B4GALNT2: variants seen among roughly 807,000 people sequenced by gnomAD.
The protein encoded by B4GALNT2 is beta-1,4-N-acetyl-galactosaminyltransferase 2 (SID blood group).
Under a neutral mutation model 51.1 loss-of-function variants are expected in B4GALNT2, and 42 were observed. That is an observed-to-expected ratio of 0.82 (90% CI 0.64 to 1.06). The LOEUF (loss-of-function observed/expected upper bound fraction) is 1.06. Among genes scored for constraint, B4GALNT2 ranks in the 50% least tolerant of loss-of-function variants. The pLI is 0.00. For missense variants in B4GALNT2, 602 were observed against 633.6 expected, an observed-to-expected ratio of 0.95 and a Z score of 0.54; for synonymous variants, 253 against 251.7, an observed-to-expected ratio of 1.01 and a Z score of -0.05.
At chr17:49,147,609 C>G (rs1161110911) in intron 3 of B4GALNT2, among the ~76,000 whole-genome samples, 1 of 151,974 alleles carries the variant, frequency 6.6e-6, no homozygotes, top group Non-Finnish European at 1.5e-5. Context: ...CTCCTGAGCT[C>G]AAGCAATCCA....
chr17:49,152,943 A>G (rs756360172), intron 4 of B4GALNT2, 37 bp downstream of exon 4: 23 of 1,543,740 alleles, frequency 1.5e-5, no homozygotes, highest in Non-Finnish European at 2.0e-5. Flanking sequence ...CCCAGACAAC[A>G]TTCTCACTCT....
rs773251393 is a variant in B4GALNT2 at position 49,159,150 on chromosome 17, GTTGAAGTTCAT to G, written c.614_624del (p.Leu205SerfsTer88). On this transcript the variant is annotated frameshift_variant, in exon 6 of 11. Transcript: ENST00000393354. LOFTEE classifies it high-confidence loss of function. ...TCATTTCTACCAGTGACCGGAAGCT[GTTGAAGTTCAT>G]TCTTCAGCACGTGACATACACCAGC... The G allele has an allele frequency of 6.2e-7, 1 of 1,614,212 alleles. No homozygotes were observed. The highest frequency in any genetic ancestry group is 1.7e-5 in the Admixed American group (1 of 60,018).
Position 49,169,843 on chromosome 17 carries a change from G to C in B4GALNT2, c.*115G>C. 3.8e-6 allele frequency: 4 copies of C among 1,046,536 alleles called. No homozygotes were observed. Among genetic ancestry groups the C allele is most frequent in the Non-Finnish European group, 5.3e-6 (4 of 752,498 alleles). 64.8% of individuals were successfully genotyped at this position (1,046,536 alleles called of 1,614,324 possible). ...TGTACCAAACCAGCTGGTGGGTAGG[G>C]AAAAGGGAAATGGCTCAGTTACTGG... is the stretch of plus-strand genomic sequence containing the variant. On this transcript the variant is annotated 3_prime_UTR_variant, in exon 11 of 11. Coordinates refer to ENST00000393354, the MANE Select transcript of B4GALNT2 (RefSeq NM_001159387.2).
chr17:49,152,245 G>A (rs1473368205), intron 3 of B4GALNT2, among the ~76,000 whole-genome samples: 1 of 152,078 alleles, frequency 6.6e-6, no homozygotes, highest in Non-Finnish European at 1.5e-5. Context: ...TGGGCTTGGT[G>A]GCATGTACCT....
At chr17:49,142,800 A>G (rs889434624) in intron 3 of B4GALNT2, among the ~76,000 whole-genome samples, 4 of 152,244 alleles carry the variant, frequency 2.6e-5, no homozygotes, top group African/African-American at 7.2e-5. Flanking sequence ...CCATCATAGC[A>G]GGTGATTTTG....
intron 3 of B4GALNT2, among the ~76,000 whole-genome samples, chr17:49,150,256 A>G (rs2042738407): frequency 8.0e-6 from 1 of 125,010 alleles, no homozygotes; most frequent in African/African-American, 3.2e-5. Context: ...TGGGGGGGTC[A>G]GCCCCCCGCC....
chr17:49,143,280 A>AAAC (rs71144577), intron 3 of B4GALNT2, among the ~76,000 whole-genome samples: 2 of 139,948 alleles, frequency 1.4e-5, no homozygotes, highest in South Asian at 4.5e-4. Flanking sequence ...ACAAACAAAC[A>AAAC]AACAACAACA....
At position 49,175,341 on chromosome 17, in the gene B4GALNT2, G is replaced by A. The variant is rs533853742; in HGVS notation, c.*5613G>A. On this transcript the variant is annotated 3_prime_UTR_variant, in exon 11 of 11. Coordinates refer to ENST00000393354, the MANE Select transcript of B4GALNT2 (RefSeq NM_001159387.2). ...TTCACTTTTCCCCATTTCCACATAC[G>A]GCACAATCAGAAGTTGTGCTATACG... is the stretch of plus-strand genomic sequence containing the variant. The A allele has an allele frequency of 3.9e-5, 6 of 152,048 alleles. No individual in the cohort carries two copies. In the East Asian group the frequency reaches 7.7e-4, roughly 20 times the overall value. 9.4% of individuals were successfully genotyped at this position (152,048 alleles called of 1,614,324 possible). A position where few individuals can be genotyped will look rare whatever the true frequency, so the allele number is the denominator to read the frequency against.
At chr17:49,165,999 TA>T in intron 8 of B4GALNT2, 114 bp from the exon 9 acceptor site, 1 of 1,232,242 alleles carries the variant, frequency 8.1e-7, no homozygotes, top group South Asian at 1.5e-5. Flanking sequence ...GCACCAATTC[TA>T]ATGGAATTTG....
At chr17:49,133,298 G>A (rs978371651) in intron 1 of B4GALNT2, 3 of 1,401,186 alleles carry the variant, frequency 2.1e-6, no homozygotes, top group South Asian at 1.6e-5. Context: ...TCCACAGTCC[G>A]CGCGGAGTCA....
At chr17:49,138,769 C>T (rs1283582978) in intron 1 of B4GALNT2, among the ~76,000 whole-genome samples, 4 of 152,096 alleles carry the variant, frequency 2.6e-5, no homozygotes, top group African/African-American at 9.7e-5. Context: ...CCCAGCTATT[C>T]AGGAGGCTGA....
the B4GALNT2 span, among the ~76,000 whole-genome samples, chr17:49,126,061 G>A: frequency 3.9e-5 from 6 of 152,240 alleles, no homozygotes; most frequent in East Asian, 1.2e-3. Flanking sequence ...ATAGAAAGGG[G>A]GGAAAGGTGG....
chr17:49,156,560 C>T lies in B4GALNT2; in HGVS notation c.461-6C>T, dbSNP rs200397463. ...AGTTTTCTTTCCTTTTCCCTGTGTC[C>T]TCCAGGCCTCCAGTTTGAAGGACCC... On this transcript the variant is annotated splice_polypyrimidine_tract_variant and splice_region_variant and intron_variant, in intron 4 of 10. Transcript: ENST00000393354. 28 of 1,613,718 alleles carry T rather than the reference C, an allele frequency of 1.7e-5. No homozygotes were observed. The African/African-American group carries it at 3.2e-4, about 18-fold the overall frequency.
chr17:49,145,921 G>C (rs942955993), intron 3 of B4GALNT2, among the ~76,000 whole-genome samples: 1 of 152,156 alleles, frequency 6.6e-6, no homozygotes, highest in African/African-American at 2.4e-5. Flanking sequence ...TAATGGAATT[G>C]TTGTTGTGTA....
upstream of B4GALNT2, among the ~76,000 whole-genome samples, chr17:49,131,217 C>T (rs1439434403): frequency 2.6e-5 from 4 of 152,026 alleles, no homozygotes; most frequent in Non-Finnish European, 4.4e-5. Flanking sequence ...TTTTTACCCC[C>T]CTACATGCAC....
At chr17:49,125,665 C>G in the B4GALNT2 span, among the ~76,000 whole-genome samples, 19 of 137,908 alleles carry the variant, frequency 1.4e-4, no homozygotes, top group African/African-American at 5.2e-4. Flanking sequence ...GGGTGAGGAG[C>G]GTCTCCGCCC....
chr17:49,129,560 G>A (rs118139173), upstream of B4GALNT2, among the ~76,000 whole-genome samples: 3,257 of 152,290 alleles, frequency 0.021, 89 homozygotes, highest in East Asian at 0.096. Flanking sequence ...AACACAAAAA[G>A]TGGCTCAACA....
intron 3 of B4GALNT2, among the ~76,000 whole-genome samples, chr17:49,151,116 T>TTA (rs2042750924): frequency 9.6e-3 from 1 of 104 alleles, no homozygotes; most frequent in South Asian, 0.5. Flanking sequence ...GGCTCACGCC[T>TTA]GTAATCCCAG....
intron 1 of B4GALNT2, among the ~76,000 whole-genome samples, chr17:49,138,680 C>T (rs576854534): frequency 1.3e-5 from 2 of 152,258 alleles, no homozygotes; most frequent in African/African-American, 4.8e-5. Flanking sequence ...TATTTGAGAC[C>T]AGCCTGGCCA....
Sources: gnomAD v4.1 joint callset for allele counts (sites outside exome capture counted in the v4.1 genomes callset) on GRCh38, gnomAD v4.1.1 for gene constraint, MANE v1.5 for transcripts, NCBI Gene and HGNC (gene_info 2026-07-23, HGNC 2026-07-21) for gene names.